SGCZ: variants seen among roughly 807,000 people sequenced by gnomAD.
SGCZ encodes sarcoglycan zeta.
In SGCZ, 40 loss-of-function variants were observed where a neutral mutation model predicts 41.3. The observed-to-expected ratio is 0.97, with a 90% CI of 0.75 to 1.26. SGCZ has a LOEUF of 1.26. SGCZ is among the 50% of genes most tolerant of loss of function. The pLI is 0.00. For missense variants in SGCZ, 552 were observed against 369.8 expected (o/e 1.49, Z -4.04); for synonymous variants, 206 against 137.5 (o/e 1.50, Z -3.49).
chr8:14,809,503 G>A lies in SGCZ; in HGVS notation c.40-254577C>T, dbSNP rs374348266. Among the ~76,000 whole-genome samples, 22 of 152,008 alleles carry A rather than the reference G, an allele frequency of 1.4e-4. No homozygotes were observed. The South Asian group carries it at 4.6e-3, about 32-fold the overall frequency. On this transcript the variant is annotated intron_variant, in intron 1 of 7. Coordinates refer to ENST00000382080, the MANE Select transcript of SGCZ (RefSeq NM_139167.4). The stretch of plus-strand genomic sequence containing the variant: ...TTTCGGCATAGAAACCACTTGGTAT[G>A]GTAATAAAAATTACCAATTCTCCAT...
intron 1 of SGCZ, among the ~76,000 whole-genome samples, chr8:14,820,845 G>C (rs1233646442): frequency 1.3e-5 from 2 of 148,836 alleles, no homozygotes; most frequent in African/African-American, 2.5e-5. Context: ...TCCTAAGAGG[G>C]AGGTTAGCAA....
intron 1 of SGCZ, among the ~76,000 whole-genome samples, chr8:14,809,123 TA>T: frequency 6.6e-6 from 1 of 151,860 alleles, no homozygotes; most frequent in Middle Eastern, 3.4e-3. Context: ...GAGATATACC[TA>T]ATGCTAGATG....
intron 4 of SGCZ, among the ~76,000 whole-genome samples, chr8:14,189,990 A>C (rs1301457655): frequency 6.7e-6 from 1 of 148,872 alleles, no homozygotes; most frequent in African/African-American, 2.5e-5. Flanking sequence ...GAAATGGGAG[A>C]ATCTACTTTT....
chr8:15,004,258 C>T (rs1802522844), intron 1 of SGCZ, among the ~76,000 whole-genome samples: 1 of 152,102 alleles, frequency 6.6e-6, no homozygotes, highest in African/African-American at 2.4e-5. Context: ...TGCTACACAA[C>T]CTTCCTGAGG....
At chr8:15,167,758 T>C (rs1446931751) in intron 1 of SGCZ, among the ~76,000 whole-genome samples, 2 of 152,202 alleles carry the variant, frequency 1.3e-5, no homozygotes, top group Non-Finnish European at 2.9e-5. Flanking sequence ...AACTCACTAG[T>C]TGTCTTAAGT....
intron 4 of SGCZ, among the ~76,000 whole-genome samples, chr8:14,227,246 G>C (rs141525643): frequency 2.6e-5 from 4 of 152,038 alleles, no homozygotes; most frequent in African/African-American, 9.7e-5. Flanking sequence ...CAAAAAAAAT[G>C]TAAGAATGCA....
At position 14,108,298 on chromosome 8, in the gene SGCZ, T is replaced by C. The variant is rs1585141246; in HGVS notation, c.548-63A>G. 9 of 1,396,350 alleles carry C rather than the reference T, an allele frequency of 6.4e-6. No homozygotes were observed. In the East Asian group the frequency reaches 1.8e-4, roughly 28 times the overall value. The allele number at this position is 1,396,350 out of a possible 1,614,324, so 86.5% of individuals were successfully genotyped here. A position where few individuals can be genotyped will look rare whatever the true frequency, so the allele number is the denominator to read the frequency against. ...GTCCACACAGTGGCTTTCATCTCTA[T>C]GTTTATGCATCAAATATTCTTCCAA... On this transcript the variant is annotated intron_variant, in intron 5 of 7. Transcript: ENST00000382080.
chr8:14,340,093 T>C (rs17119102), intron 2 of SGCZ, among the ~76,000 whole-genome samples: 1,981 of 152,262 alleles, frequency 0.013, 39 homozygotes, highest in African/African-American at 0.04. Flanking sequence ...GCTGAAGATA[T>C]GGTCAATTAC....
rs1460892061 is a variant in SGCZ at position 14,334,471 on chromosome 8, C to CAGGTACTA, written c.235-10275_235-10268dup. 2.6e-5 allele frequency among the ~76,000 whole-genome samples: 4 copies of CAGGTACTA among 152,060 alleles called. No individual in the cohort carries two copies. In the East Asian group the frequency reaches 7.7e-4, roughly 29 times the overall value. Reference sequence around the variant, plus strand: ...CCAGTCCTCTCACTCTTAGTCGGGGCAGGTACTACAGGTATAGAACATGTT... The same window carrying CAGGTACTA: ...CCAGTCCTCTCACTCTTAGTCGGGGCAGGTACTAAGGTACTACAGGTATAGAACATGTT... On this transcript the variant is annotated intron_variant, in intron 2 of 7. Coordinates refer to ENST00000382080, the MANE Select transcript of SGCZ (RefSeq NM_139167.4).
At chr8:14,739,724 T>A (rs1024661437) in intron 1 of SGCZ, among the ~76,000 whole-genome samples, 1 of 152,062 alleles carries the variant, frequency 6.6e-6, no homozygotes, top group African/African-American at 2.4e-5. Context: ...TATTTACAAT[T>A]AATCTTCCTC....
chr8:15,223,995 C>T (rs1253094921), intron 1 of SGCZ, among the ~76,000 whole-genome samples: 1 of 152,084 alleles, frequency 6.6e-6, no homozygotes, highest in African/African-American at 2.4e-5. Flanking sequence ...GCTGGGATTA[C>T]AGGCATGGGC....
chr8:14,691,502 G>A (rs933950615), intron 1 of SGCZ, among the ~76,000 whole-genome samples: 1 of 151,946 alleles, frequency 6.6e-6, no homozygotes, highest in African/African-American at 2.4e-5. Flanking sequence ...TAATTTATAT[G>A]ATTGTAAAAG....
chr8:14,103,769 C>A lies in SGCZ; in HGVS notation c.621-1270G>T, dbSNP rs1024322956. Reference sequence around the variant, plus strand: ...TTTGAATGTGTCTATTTTTAAGAAACGTCTGTATTTTTTTTATTAAAACTC... The same window carrying A: ...TTTGAATGTGTCTATTTTTAAGAAAAGTCTGTATTTTTTTTATTAAAACTC... On this transcript the variant is annotated intron_variant, in intron 6 of 7. Coordinates refer to ENST00000382080, the MANE Select transcript of SGCZ (RefSeq NM_139167.4). Among the ~76,000 whole-genome samples the A allele has an allele frequency of 2.0e-5, 3 of 151,750 alleles. No individual in the cohort carries two copies. The East Asian group carries it at 5.8e-4, about 29-fold the overall frequency.
chr8:14,739,088 A>G (rs1356262579), intron 1 of SGCZ, among the ~76,000 whole-genome samples: 2 of 151,996 alleles, frequency 1.3e-5, no homozygotes, highest in African/African-American at 2.4e-5. Context: ...TTTAATACCT[A>G]TATGTTGTTA....
chr8:14,441,211 C>T (rs1050900885), intron 2 of SGCZ, among the ~76,000 whole-genome samples: 3 of 152,110 alleles, frequency 2.0e-5, no homozygotes, highest in African/African-American at 7.2e-5. Flanking sequence ...TAAATCATCT[C>T]CCAAATTACA....
intron 1 of SGCZ, among the ~76,000 whole-genome samples, chr8:14,853,190 C>G (rs1422386349): frequency 6.6e-6 from 1 of 152,084 alleles, no homozygotes; most frequent in Non-Finnish European, 1.5e-5. Context: ...CATGGAATCC[C>G]AAGTTATTTT....
At chr8:14,760,503 T>C (rs1193371260) in intron 1 of SGCZ, among the ~76,000 whole-genome samples, 1 of 152,232 alleles carries the variant, frequency 6.6e-6, no homozygotes, top group African/African-American at 2.4e-5. Flanking sequence ...GGAATTTAAA[T>C]ATTACTTAAC....
intron 2 of SGCZ, among the ~76,000 whole-genome samples, chr8:14,339,245 A>C (rs1387932883): frequency 6.6e-6 from 1 of 152,190 alleles, no homozygotes; most frequent in Non-Finnish European, 1.5e-5. Flanking sequence ...GTAATCGCTC[A>C]AGGCCAGACA....
chr8:14,648,036 C>G (rs536054506), intron 1 of SGCZ, among the ~76,000 whole-genome samples: 1 of 152,072 alleles, frequency 6.6e-6, no homozygotes, highest in African/African-American at 2.4e-5. Flanking sequence ...GTACCCTGAA[C>G]TTGACTTTGA....
Sources: gnomAD v4.1 joint callset for allele counts (sites outside exome capture counted in the v4.1 genomes callset) on GRCh38, gnomAD v4.1.1 for gene constraint, MANE v1.5 for transcripts, NCBI Gene and HGNC (gene_info 2026-07-23, HGNC 2026-07-21) for gene names.